PPP3CA: variants seen among roughly 807,000 people sequenced by gnomAD.
PPP3CA encodes the protein CAM-PRP catalytic subunit.
PPP3CA carries 14 observed loss-of-function variants against 66.5 expected under a neutral mutation model. The observed-to-expected ratio is 0.21, with a 90% CI of 0.14 to 0.33. The LOEUF (loss-of-function observed/expected upper bound fraction) is 0.33. PPP3CA is among the 10% of genes least tolerant of loss of function. PPP3CA has a pLI of 1.00. For synonymous variants in PPP3CA, 232 were observed against 226.2 expected (o/e 1.03, Z -0.23); for missense variants, 317 against 639.5 (o/e 0.50, Z 5.44).
At chr4:101,291,237 A>G (rs186421224) in intron 1 of PPP3CA, among the ~76,000 whole-genome samples, 2 of 152,328 alleles carry the variant, frequency 1.3e-5, no homozygotes, top group East Asian at 3.9e-4. Context: ...GCTTTCACTA[A>G]TAGGAGTAAT....
Position 101,237,899 on chromosome 4 carries a change from C to T in PPP3CA, c.59-41783G>A, listed in dbSNP as rs563568917. Among the ~76,000 whole-genome samples, 44 of 152,112 alleles carry T rather than the reference C, an allele frequency of 2.9e-4. No homozygotes were observed. In the South Asian group the frequency reaches 8.3e-3, roughly 29 times the overall value. ...GGTTGCACTATTTCCCTGGTAAATG[C>T]AAGACTGTAAAGACCAAACTCAAAA... On this transcript the variant is annotated intron_variant, in intron 1 of 13. Coordinates refer to ENST00000394854, the MANE Select transcript of PPP3CA (RefSeq NM_000944.5).
At chr4:101,270,310 T>C (rs1008271428) in intron 1 of PPP3CA, among the ~76,000 whole-genome samples, 5 of 152,134 alleles carry the variant, frequency 3.3e-5, no homozygotes, top group Non-Finnish European at 7.4e-5. Flanking sequence ...TGTAAATATG[T>C]GTCTCAATCT....
At chr4:101,190,254 G>C (rs1050065688) in intron 2 of PPP3CA, among the ~76,000 whole-genome samples, 5 of 151,972 alleles carry the variant, frequency 3.3e-5, no homozygotes, top group African/African-American at 1.2e-4. Context: ...CATTATTACT[G>C]CCAGTGATTG....
intron 4 of PPP3CA, among the ~76,000 whole-genome samples, chr4:101,099,212 T>C (rs1730335201): frequency 1.3e-5 from 2 of 152,162 alleles, no homozygotes. Flanking sequence ...ATCTTCAGTT[T>C]TATAAGATTC....
chr4:101,270,055 A>G (rs1727289376), intron 1 of PPP3CA, among the ~76,000 whole-genome samples: 2 of 152,176 alleles, frequency 1.3e-5, no homozygotes, highest in South Asian at 2.1e-4. Context: ...TACATTTCAC[A>G]TGCTTTGAAG....
intron 1 of PPP3CA, among the ~76,000 whole-genome samples, chr4:101,278,923 T>C (rs1329387980): frequency 6.6e-6 from 1 of 152,206 alleles, no homozygotes; most frequent in African/African-American, 2.4e-5. Context: ...ACACACTATA[T>C]TCTATGCAGG....
intron 1 of PPP3CA, among the ~76,000 whole-genome samples, chr4:101,209,267 G>A (rs1250030366): frequency 6.6e-6 from 1 of 152,116 alleles, no homozygotes; most frequent in East Asian, 1.9e-4. Context: ...TAACCAAACT[G>A]CCAAGTTACA....
intron 3 of PPP3CA, among the ~76,000 whole-genome samples, chr4:101,103,310 A>G (rs1730528120): frequency 6.6e-6 from 1 of 152,192 alleles, no homozygotes; most frequent in South Asian, 2.1e-4. Flanking sequence ...TCCAATCAAA[A>G]GTGCTGCCTC....
At chr4:101,045,828 G>A (rs1287481003) in intron 10 of PPP3CA, among the ~76,000 whole-genome samples, 1 of 152,236 alleles carries the variant, frequency 6.6e-6, no homozygotes, top group Admixed American at 6.5e-5. Context: ...ATTGCTGAAT[G>A]AGTAGAGACA....
At chr4:101,164,129 C>T (rs973643373) in intron 2 of PPP3CA, among the ~76,000 whole-genome samples, 1 of 20,094 alleles carries the variant, frequency 5.0e-5, no homozygotes, top group East Asian at 1.5e-3. Context: ...TCCTTAGCTA[C>T]CTCTTCACCT....
In PPP3CA at chr4:101,040,603, T is replaced by G. The variant is rs199923493; in HGVS notation, c.1157-37A>C. The stretch of plus-strand genomic sequence containing the variant: ...AACAGAGTTCAGTGGTCAGTAATTT[T>G]TTATCTAATTGTAATTGATTTTACA... On this transcript the variant is annotated intron_variant, in intron 10 of 13. Transcript: ENST00000394854. The G allele has an allele frequency of 8.8e-5, 135 of 1,526,750 alleles. No individual in the cohort carries two copies. The East Asian group carries it at 3.0e-3, about 34-fold the overall frequency. 94.6% of individuals were successfully genotyped at this position (1,526,750 alleles called of 1,614,324 possible). A position where few individuals can be genotyped will look rare whatever the true frequency, so the allele number is the denominator to read the frequency against.
chr4:101,273,125 G>A (rs997773309), intron 1 of PPP3CA, among the ~76,000 whole-genome samples: 8 of 42,232 alleles, frequency 1.9e-4, no homozygotes, highest in Non-Finnish European at 2.9e-4. Context: ...CTTGATAGAT[G>A]TAAGTAGGAT....
chr4:101,330,222 T>C (rs1578197385), intron 1 of PPP3CA: 2 of 419,064 alleles, frequency 4.8e-6, no homozygotes, highest in East Asian at 1.6e-4. Context: ...ACTGCATATG[T>C]GGTAGAAATA....
chr4:101,345,940 C>T (rs749242522), intron 1 of PPP3CA, among the ~76,000 whole-genome samples: 1 of 152,164 alleles, frequency 6.6e-6, no homozygotes, highest in African/African-American at 2.4e-5. Context: ...AATGACAGGT[C>T]GGCGGGGGAC....
chr4:101,115,611 T>G (rs773095327), intron 2 of PPP3CA, among the ~76,000 whole-genome samples: 5 of 152,090 alleles, frequency 3.3e-5, no homozygotes, highest in Middle Eastern at 3.4e-3. Context: ...ACTGAACACC[T>G]TAGGGTAAGG....
chr4:101,112,363 C>T (rs1313295801), intron 2 of PPP3CA, among the ~76,000 whole-genome samples: 1 of 152,048 alleles, frequency 6.6e-6, no homozygotes, highest in South Asian at 2.1e-4. Flanking sequence ...AATATCACTG[C>T]AATAATTGGA....
intron 1 of PPP3CA, among the ~76,000 whole-genome samples, chr4:101,210,722 ATT>A (rs1233410150): frequency 2.6e-5 from 4 of 152,154 alleles, no homozygotes; most frequent in Non-Finnish European, 4.4e-5. Flanking sequence ...AAAATACAGC[ATT>A]CTTTAGTTGG....
At chr4:101,199,415 T>C (rs533950694) in intron 1 of PPP3CA, among the ~76,000 whole-genome samples, 64 of 152,236 alleles carry the variant, frequency 4.2e-4, no homozygotes, top group Non-Finnish European at 9.1e-4. Context: ...TGCACATTAG[T>C]AAAAATTCAG....
intron 1 of PPP3CA, among the ~76,000 whole-genome samples, chr4:101,285,206 A>G (rs1200787598): frequency 6.6e-6 from 1 of 152,144 alleles, no homozygotes; most frequent in African/African-American, 2.4e-5. Flanking sequence ...TAGAATTCAA[A>G]ATTCATGCAA....
Sources: allele counts gnomAD v4.1 joint callset (sites outside exome capture counted in the v4.1 genomes callset), GRCh38; gene constraint gnomAD v4.1.1; transcripts MANE v1.5; gene names NCBI Gene and HGNC (gene_info 2026-07-23, HGNC 2026-07-21).